Variants in ARHGEF18 observed in about 807,000 individuals in gnomAD.
ARHGEF18 encodes the protein rho guanine nucleotide exchange factor 18.
In ARHGEF18, 93 loss-of-function variants were observed where a neutral mutation model predicts 155.7. The observed-to-expected ratio is 0.60, with a 90% CI of 0.50 to 0.71. The LOEUF (loss-of-function observed/expected upper bound fraction) is 0.71, where lower values mean the gene tolerates loss of function less well. ARHGEF18 is among the 30% of genes least tolerant of loss of function. The pLI is 0.00. For missense variants in ARHGEF18, 1,593 were observed against 1,816.1 expected, an observed-to-expected ratio of 0.88 and a Z score of 2.23; for synonymous variants, 742 against 753.1, an observed-to-expected ratio of 0.99 and a Z score of 0.24.
At chr19:7,372,486 A>AG (rs1442452963) in intron 2 of ARHGEF18, among the ~76,000 whole-genome samples, 11 of 152,072 alleles carry the variant, frequency 7.2e-5, no homozygotes, top group Non-Finnish European at 1.2e-4. Context: ...GAAAAAAAAA[A>AG]AGAGAGAGAG....
intron 10 of ARHGEF18, among the ~76,000 whole-genome samples, chr19:7,424,721 C>A (rs1048230390): frequency 2.8e-4 from 43 of 152,158 alleles, no homozygotes; most frequent in Non-Finnish European, 5.7e-4. Flanking sequence ...TTAGACTGGG[C>A]GCGGTGGCTC....
chr19:7,415,882 C>T (rs550244136), intron 10 of ARHGEF18, among the ~76,000 whole-genome samples: 10 of 152,216 alleles, frequency 6.6e-5, no homozygotes, highest in Admixed American at 3.3e-4. Context: ...AATTTTCACC[C>T]GCTTGCTAAA....
chr19:7,382,538 C>T (rs1391241794), intron 8 of ARHGEF18, among the ~76,000 whole-genome samples: 1 of 152,110 alleles, frequency 6.6e-6, no homozygotes, highest in Non-Finnish European at 1.5e-5. Context: ...GACCTCAAAC[C>T]TGAGATCACG....
intron 10 of ARHGEF18, among the ~76,000 whole-genome samples, chr19:7,420,297 C>G (rs1354893246): frequency 6.6e-6 from 1 of 152,180 alleles, no homozygotes; most frequent in Non-Finnish European, 1.5e-5. Flanking sequence ...GGATCTTGCT[C>G]TGTTGCCCTG....
chr19:7,452,814 GC>G (rs1380742715), intron 16 of ARHGEF18, among the ~76,000 whole-genome samples: 1 of 151,650 alleles, frequency 6.6e-6, no homozygotes, highest in Non-Finnish European at 1.5e-5. Context: ...CGTTTACCAA[GC>G]AGTAGATGGC....
chr19:7,441,959 G>A lies in ARHGEF18; in HGVS notation c.1267G>A (p.Glu423Lys), dbSNP rs143918673. ...GAGTGAGATTGAGTCAGACGGCCACGAGTTTGAAGCTGAGTCCTGGAGCCT... is the reference window on the plus strand; with the variant it reads ...GAGTGAGATTGAGTCAGACGGCCACAAGTTTGAAGCTGAGTCCTGGAGCCT... The part of the protein sequence containing the change: ...LRSEIESDGH[E>K]FEAESWSLAV... Residue 423 changes from glutamate to lysine, a missense_variant, in exon 13 of 29, where the codon GAG (glutamate) becomes AAG (lysine). Coordinates refer to ENST00000668164, the MANE Select transcript of ARHGEF18 (RefSeq NM_001367823.1). 5.6e-6 allele frequency: 9 copies of A among 1,614,102 alleles called. No homozygotes were observed. Among genetic ancestry groups the A allele is most frequent in the African/African-American group, 1.3e-5 (1 of 75,040 alleles).
At chr19:7,397,089 C>T (rs1971752194) in intron 10 of ARHGEF18, among the ~76,000 whole-genome samples, 1 of 103,512 alleles carries the variant, frequency 9.7e-6, no homozygotes, top group Admixed American at 1.2e-4. Context: ...GTCAGCAAGC[C>T]TTTTTGCGAA....
At chr19:7,469,636 G>A (rs942196506) in intron 27 of ARHGEF18, among the ~76,000 whole-genome samples, 27 of 152,168 alleles carry the variant, frequency 1.8e-4, no homozygotes, top group African/African-American at 9.7e-5. Context: ...GGTGTGTCCC[G>A]TGGTCACTAG....
Position 7,469,899 on chromosome 19 carries a change from T to C in ARHGEF18, c.3788-5T>C. 2 of 1,612,534 alleles carry C rather than the reference T, an allele frequency of 1.2e-6. No homozygotes were observed. The highest frequency in any genetic ancestry group is 1.7e-6 in the Non-Finnish European group (2 of 1,179,710). On this transcript the variant is annotated splice_polypyrimidine_tract_variant and splice_region_variant and intron_variant, in intron 27 of 28. Transcript: ENST00000668164. Reference sequence around the variant, plus strand: ...GAGCTGGCCCAAATACCTTCTCTCTTCCAGCGTCCTTCGACCTGAAGCAGC... The same window carrying C: ...GAGCTGGCCCAAATACCTTCTCTCTCCCAGCGTCCTTCGACCTGAAGCAGC...
intron 10 of ARHGEF18, chr19:7,439,636 C>A: frequency 9.1e-7 from 1 of 1,095,422 alleles, no homozygotes; most frequent in Non-Finnish European, 1.1e-6. Context: ...CGGAGCCTCG[C>A]GTCCACTTCG....
At chr19:7,478,591 C>T in the ARHGEF18 span, among the ~76,000 whole-genome samples, 470 of 152,258 alleles carry the variant, frequency 3.1e-3, 2 homozygotes, top group African/African-American at 0.011. Context: ...GGGACATCGT[C>T]CTGCACTTCT....
At chr19:7,466,833 A>AGTT in intron 23 of ARHGEF18, 85 bp from the exon 24 acceptor site, 1 of 1,051,456 alleles carries the variant, frequency 9.5e-7, no homozygotes, top group South Asian at 1.5e-5. Context: ...AAAAGTTAAA[A>AGTT]AAAAAGAAGA....
intron 10 of ARHGEF18, chr19:7,439,659 T>TCG: frequency 1.7e-6 from 2 of 1,172,848 alleles, no homozygotes; most frequent in Admixed American, 4.2e-5. Context: ...GCTAGAATTC[T>TCG]GTTCGAGTGC....
intron 10 of ARHGEF18, among the ~76,000 whole-genome samples, chr19:7,386,220 C>T (rs1600254568): frequency 7.0e-6 from 1 of 142,094 alleles, no homozygotes; most frequent in South Asian, 2.2e-4. Context: ...TAGAGACGGG[C>T]TCTTGCTATG....
intron 10 of ARHGEF18, chr19:7,439,718 A>C: frequency 7.7e-7 from 1 of 1,293,728 alleles, no homozygotes; most frequent in South Asian, 2.3e-5. Context: ...TCTGGGTCTT[A>C]GAGTCACCCT....
At chr19:7,385,428 G>A (rs76910551) in intron 10 of ARHGEF18, among the ~76,000 whole-genome samples, 11,223 of 149,996 alleles carry the variant, frequency 0.075, 1,261 homozygotes, top group African/African-American at 0.24. Flanking sequence ...GAGCGTCGCC[G>A]TCATCTGGGA....
intron 10 of ARHGEF18, among the ~76,000 whole-genome samples, chr19:7,393,593 C>G (rs924019771): frequency 1.3e-5 from 2 of 152,006 alleles, no homozygotes; most frequent in African/African-American, 4.8e-5. Flanking sequence ...TCAACTGCCT[C>G]CCCTGTGGCA....
intron 15 of ARHGEF18, among the ~76,000 whole-genome samples, chr19:7,448,225 T>C (rs978333522): frequency 2.0e-5 from 3 of 151,828 alleles, no homozygotes; most frequent in Non-Finnish European, 4.4e-5. Context: ...TCAAGGAGGG[T>C]TACTCCAGAT....
chr19:7,466,644 A>G (rs1341658838), intron 23 of ARHGEF18, among the ~76,000 whole-genome samples: 1 of 151,526 alleles, frequency 6.6e-6, no homozygotes, highest in Admixed American at 6.6e-5. Flanking sequence ...TTCTACTAAA[A>G]ATACACAAAA....
Sources: gnomAD v4.1 joint callset for allele counts (sites outside exome capture counted in the v4.1 genomes callset) on GRCh38, gnomAD v4.1.1 for gene constraint, MANE v1.5 for transcripts, NCBI Gene and HGNC (gene_info 2026-07-23, HGNC 2026-07-21) for gene names.